The following CALCOCO2 variants were observed in gnomAD, a reference collection of about 807,000 sequenced individuals.
CALCOCO2 encodes calcium-binding and coiled-coil domain-containing protein 2.
A neutral mutation model predicts 62.5 loss-of-function variants in CALCOCO2; 42 were observed. The ratio of observed to expected loss-of-function variants is 0.67; its 90% CI spans 0.53 to 0.87. The LOEUF is 0.87. Ranked by LOEUF, CALCOCO2 falls within the 40% of genes least tolerant of loss-of-function variation. The pLI, the probability that CALCOCO2 is intolerant of heterozygous loss-of-function variation, is 0.00. For missense variants in CALCOCO2, 456 were observed against 515.0 expected (o/e 0.89, Z 1.11); for synonymous variants, 167 against 173.0 (o/e 0.97, Z 0.27).
chr17:48,849,489 A>G, intron 5 of CALCOCO2, 112 bp downstream of exon 5: 1 of 860,796 alleles, frequency 1.2e-6, no homozygotes, highest in African/African-American at 1.7e-5. Context: ...TTATACCAGT[A>G]TCTTTGAACA....
chr17:48,858,074 TTTTACCATCTTA>T (rs2040270708), intron 10 of CALCOCO2, among the ~76,000 whole-genome samples: 6 of 145,134 alleles, frequency 4.1e-5, no homozygotes, highest in South Asian at 4.5e-4. Context: ...TAGAATAGAA[TTTTACCATCTTA>T]ATAATGTAAA....
In CALCOCO2 at chr17:48,860,343, C is replaced by T. The variant is rs1286469630; in HGVS notation, c.1038C>T (p.Leu346=). ...DLLKRENSRL[L]SYMGLDFNSL... ...TGAAGAGGGAGAACAGCAGATTGCT[C>T]AGTTACATGGGTCTGGATTTTAATT... Residue 346 remains leucine, a synonymous_variant, in exon 11 of 13, where the codon CTC becomes CTT. Transcript: ENST00000258947. 2 of 1,613,432 alleles carry T rather than the reference C, an allele frequency of 1.2e-6. No individual in the cohort carries two copies. The highest frequency in any genetic ancestry group is 2.2e-5 in the East Asian group (1 of 44,876).
chr17:48,857,261 G>A (rs567227845), intron 10 of CALCOCO2, among the ~76,000 whole-genome samples: 1 of 144,772 alleles, frequency 6.9e-6, no homozygotes, highest in South Asian at 2.2e-4. Flanking sequence ...GCGATGGCAC[G>A]ATCTCAGCTC....
intron 2 of CALCOCO2, among the ~76,000 whole-genome samples, chr17:48,845,393 G>A (rs1343656196): frequency 1.5e-5 from 2 of 134,862 alleles, no homozygotes; most frequent in Admixed American, 1.5e-4. Context: ...GTGTGTGTGT[G>A]TGTGTGTGTG....
At chr17:48,848,711 T>C (rs537779302) in intron 4 of CALCOCO2, 16 of 578,744 alleles carry the variant, frequency 2.8e-5, no homozygotes, top group Admixed American at 7.9e-5. Context: ...TTCCAATTGC[T>C]TAATTTTTGT....
At chr17:48,853,256 A>T (rs2040159831) in intron 9 of CALCOCO2, 2 of 429,440 alleles carry the variant, frequency 4.7e-6, no homozygotes, top group Non-Finnish European at 8.7e-6. Context: ...AGATGTAGTT[A>T]ACTAGATCCT....
At chr17:48,837,505 G>C (rs1388579410) in intron 1 of CALCOCO2, among the ~76,000 whole-genome samples, 1 of 152,112 alleles carries the variant, frequency 6.6e-6, no homozygotes, top group East Asian at 1.9e-4. Flanking sequence ...AATTAGCTGG[G>C]CATGGTGGCG....
intron 2 of CALCOCO2, chr17:48,842,454 CTTA>C (rs1418076721): frequency 1.3e-5 from 2 of 151,704 alleles, no homozygotes; most frequent in African/African-American, 4.8e-5. Flanking sequence ...CACGCCTGTC[CTTA>C]TTATGCTGTC....
chr17:48,845,083 C>T (rs1238699247), intron 2 of CALCOCO2, among the ~76,000 whole-genome samples: 1 of 151,950 alleles, frequency 6.6e-6, no homozygotes, highest in Non-Finnish European at 1.5e-5. Context: ...TTGCAGTGAG[C>T]CAAGATTATG....
At chr17:48,844,702 G>A (rs996930737) in intron 2 of CALCOCO2, among the ~76,000 whole-genome samples, 4 of 152,090 alleles carry the variant, frequency 2.6e-5, no homozygotes, top group Non-Finnish European at 5.9e-5. Flanking sequence ...ATTTTTAGTA[G>A]AGACAGGGTT....
At chr17:48,849,434 C>G in intron 5 of CALCOCO2, 57 bp downstream of exon 5, 2 of 1,456,942 alleles carry the variant, frequency 1.4e-6, no homozygotes, top group Non-Finnish European at 1.9e-6. Context: ...TGGATGGTGC[C>G]TCTTATCCAG....
intron 1 of CALCOCO2, among the ~76,000 whole-genome samples, chr17:48,832,701 A>G (rs867476354): frequency 3.9e-5 from 6 of 152,094 alleles, no homozygotes; most frequent in African/African-American, 1.4e-4. Context: ...CACTTCAAAC[A>G]CTGTCACTGC....
At chr17:48,859,036 A>G (rs1481340785) in intron 10 of CALCOCO2, among the ~76,000 whole-genome samples, 2 of 105,366 alleles carry the variant, frequency 1.9e-5, no homozygotes, top group Admixed American at 1.3e-4. Flanking sequence ...ACAGAGCAAG[A>G]CTCTGTCTCA....
intron 12 of CALCOCO2, 80 bp downstream of exon 12, chr17:48,862,384 A>T: frequency 1.1e-6 from 1 of 948,616 alleles, no homozygotes; most frequent in Non-Finnish European, 1.7e-6. Context: ...GGAGAACCAT[A>T]GGGAGACAGG....
At chr17:48,840,807 C>A (rs544235258) in intron 1 of CALCOCO2, among the ~76,000 whole-genome samples, 7 of 152,074 alleles carry the variant, frequency 4.6e-5, no homozygotes, top group Non-Finnish European at 1.0e-4. Context: ...GGATTGGGAC[C>A]CTTTTTAAGG....
chr17:48,852,613 C>G lies in CALCOCO2; in HGVS notation c.810C>G (p.Leu270=). 1.9e-6 allele frequency: 3 copies of G among 1,613,570 alleles called. No individual in the cohort carries two copies. The highest frequency in any genetic ancestry group is 2.5e-6 in the Non-Finnish European group (3 of 1,179,566). Residue 270 remains leucine (L), a synonymous_variant, in exon 8 of 13, where the codon CTC becomes CTG. Transcript: ENST00000258947. ...QLKKENDHLF[L]SLTEQRKDQK... ...AAAAGGAAAATGACCACCTCTTTCT[C>G]AGTTTAACTGAACAGGTAGAGTCAT...
At chr17:48,860,525 G>T (rs1043273791) in intron 11 of CALCOCO2, 76 bp downstream of exon 11, 9 of 1,387,288 alleles carry the variant, frequency 6.5e-6, no homozygotes. Flanking sequence ...TGTTTCTGAG[G>T]TGCTAATTAA....
At chr17:48,834,071 C>T (rs574110505) in intron 1 of CALCOCO2, among the ~76,000 whole-genome samples, 1 of 129,954 alleles carries the variant, frequency 7.7e-6, no homozygotes, top group South Asian at 2.6e-4. Flanking sequence ...GAGCCACATT[C>T]ATGCCATTGC....
At position 48,857,929 on chromosome 17, in the gene CALCOCO2, A is replaced by G. The variant is rs976666566; in HGVS notation, c.1008+1742A>G. ...GAGGTGGAGCTTGCAGTGAGCCAAG[A>G]TCGTGCCACTGCACTCCAGCCTGGC... On this transcript the variant is annotated intron_variant, in intron 10 of 12. Coordinates refer to ENST00000258947, the MANE Select transcript of CALCOCO2 (RefSeq NM_005831.5). 2.0e-5 allele frequency among the ~76,000 whole-genome samples: 3 copies of G among 148,770 alleles called. No individual in the cohort carries two copies. In the Admixed American group the frequency reaches 2.0e-4, roughly 10 times the overall value.
Sources: allele counts gnomAD v4.1 joint callset (sites outside exome capture counted in the v4.1 genomes callset), GRCh38; gene constraint gnomAD v4.1.1; transcripts MANE v1.5; gene names NCBI Gene and HGNC (gene_info 2026-07-23, HGNC 2026-07-21).